SUV39H1: variants seen among roughly 807,000 people sequenced by gnomAD.
SUV39H1 encodes SUV39H1 histone lysine methyltransferase.
For synonymous variants in SUV39H1, 141 were observed against 150.5 expected (o/e 0.94, Z 0.46); for missense variants, 180 against 386.3 (o/e 0.47, Z 4.48).
intron 3 of SUV39H1, among the ~76,000 whole-genome samples, chrX:48,701,193 C>T (rs781787155): frequency 1.8e-5 from 2 of 111,854 alleles, no homozygotes; most frequent in Non-Finnish European, 3.8e-5. Flanking sequence ...ACAGAAGGAA[C>T]GCAGTCTGGA....
At chrX:48,696,725 C>T (rs1557008638), upstream of SUV39H1, 9 of 1,121,757 alleles carry the variant, frequency 8.0e-6, no homozygotes, top group Admixed American at 2.4e-4. Context: ...CGGCCACGCC[C>T]GCGCGAGCGC....
intron 5 of SUV39H1, 76 bp from the exon 6 acceptor site, chrX:48,707,361 A>C: frequency 2.0e-6 from 2 of 1,014,043 alleles, no homozygotes; most frequent in Non-Finnish European, 2.7e-6. Context: ...CTCCTTCCCT[A>C]CCTTCCTCCC....
At position 48,707,673 on chromosome X, in the gene SUV39H1, C is replaced by A; in HGVS notation, c.*103C>A. Reference sequence around the variant, plus strand: ...AGAATGACTGCCAGGGCCTCGCCTGCCTCCACCTGCCCCCACCTGCTCCTA... The same window carrying A: ...AGAATGACTGCCAGGGCCTCGCCTGACTCCACCTGCCCCCACCTGCTCCTA... On this transcript the variant is annotated 3_prime_UTR_variant, in exon 6 of 6. Transcript: ENST00000376687. 9.7e-7 allele frequency: 1 copy of A among 1,026,738 alleles called. No individual in the cohort carries two copies. Among genetic ancestry groups the A allele is most frequent in the Admixed American group, 2.2e-5 (1 of 44,701 alleles). 84.6% of individuals were successfully genotyped at this position (1,026,738 alleles called of 1,213,427 possible). A position where few individuals can be genotyped will look rare whatever the true frequency, so the allele number is the denominator to read the frequency against.
At position 48,700,379 on chromosome X, in the gene SUV39H1, G is replaced by A; in HGVS notation, c.454G>A (p.Asp152Asn). Residue 152 changes from aspartate to asparagine, a missense_variant, in exon 3 of 6, where the codon GAC (aspartate) becomes AAC (asparagine). Transcript: ENST00000376687. ...ACGCATCACTGTAGAGAATGAGGTGGACCTGGACGGCCCTCCGCGGGCCTT... is the reference window on the plus strand; with the variant it reads ...ACGCATCACTGTAGAGAATGAGGTGAACCTGGACGGCCCTCCGCGGGCCTT... ...LGRITVENEV[D>N]LDGPPRAFVY... 2 of 1,212,131 alleles carry A rather than the reference G, an allele frequency of 1.6e-6. No individual in the cohort carries two copies. The highest frequency in any genetic ancestry group is 2.2e-6 in the Non-Finnish European group (2 of 895,576).
chrX:48,707,882 C>T lies in SUV39H1; in HGVS notation c.*312C>T. The T allele has an allele frequency of 2.9e-6, 1 of 341,674 alleles. No individual in the cohort carries two copies. Among genetic ancestry groups the T allele is most frequent in the Non-Finnish European group, 5.5e-6 (1 of 182,306 alleles). The allele number at this position is 341,674 out of a possible 1,213,427, so 28.2% of individuals were successfully genotyped here. A position where few individuals can be genotyped will look rare whatever the true frequency, so the allele number is the denominator to read the frequency against. On this transcript the variant is annotated 3_prime_UTR_variant, in exon 6 of 6. Coordinates refer to ENST00000376687, the MANE Select transcript of SUV39H1 (RefSeq NM_003173.4). ...TATTAAGGAGGTCCAAGGGGTGAGT[C>T]CCAACCCAGCCCCAGAATATATTTG...
At position 48,706,646 on chromosome X, in the gene SUV39H1, T is replaced by TG. The variant is rs1399541027; in HGVS notation, c.1105+24dup. 2 of 1,189,747 alleles carry TG rather than the reference T, an allele frequency of 1.7e-6. No homozygotes were observed. The highest frequency in any genetic ancestry group is 2.3e-6 in the Non-Finnish European group (2 of 882,707). ...ATGCAAGGTGGGGGTGGCAAGGGAC[T>TG]GGGGGCAGGGGCGCACTGTGACTTG... On this transcript the variant is annotated intron_variant, in intron 5 of 5. Transcript: ENST00000376687.
intron 1 of SUV39H1, among the ~76,000 whole-genome samples, chrX:48,698,381 A>C (rs2062463292): frequency 1.8e-5 from 2 of 111,509 alleles, no homozygotes; most frequent in African/African-American, 6.5e-5. Context: ...AAATCCAAAA[A>C]ATTTTGAATT....
At position 48,707,474 on chromosome X, in the gene SUV39H1, C is replaced by T; in HGVS notation, c.1143C>T (p.Ser381=). 1 of 1,211,279 alleles carries T rather than the reference C, an allele frequency of 8.3e-7. No homozygotes were observed. The highest frequency in any genetic ancestry group is 1.1e-6 in the Non-Finnish European group (1 of 895,297). ...ACATGGAGAGCACCCGCATGGACTC[C>T]AACTTTGGCCTGGCTGGGCTCCCTG... The part of the protein sequence containing the change: ...PVDMESTRMD[S]NFGLAGLPGS... The change falls in exon 6 of 6, where the codon TCC becomes TCT. Residue 381 remains serine, a synonymous_variant. Coordinates refer to ENST00000376687, the MANE Select transcript of SUV39H1 (RefSeq NM_003173.4).
At chrX:48,695,757 T>C, upstream of SUV39H1, 1 of 1,154,662 alleles carries the variant, frequency 8.7e-7, no homozygotes, top group South Asian at 1.9e-5. Flanking sequence ...CTGTACGTGG[T>C]TACGGACTGT....
In SUV39H1 at chrX:48,706,306, C is replaced by T. The variant is rs138513845; in HGVS notation, c.870C>T (p.Tyr290=). ...AGGCAGAGCGGCGGGGCCAGATCTA[C>T]GACCGTCAGGGCGCCACCTACCTCT... ...SEEAERRGQI[Y]DRQGATYLFD... is the part of the protein sequence containing the mutation. The change falls in exon 4 of 6, where the codon TAC becomes TAT. Residue 290 remains tyrosine (Y), a synonymous_variant. Transcript: ENST00000376687. The T allele has an allele frequency of 3.2e-5, 39 of 1,210,420 alleles. No homozygotes were observed. Among genetic ancestry groups the T allele is most frequent in the Non-Finnish European group, 4.4e-5 (39 of 895,100 alleles).
upstream of SUV39H1, chrX:48,695,605 G>T: frequency 1.8e-6 from 2 of 1,086,348 alleles, no homozygotes; most frequent in Non-Finnish European, 2.4e-6. Context: ...GCCTGGCTGG[G>T]TGCTCTGACT....
upstream of SUV39H1, among the ~76,000 whole-genome samples, chrX:48,696,207 G>A (rs1168080403): frequency 8.9e-6 from 1 of 112,440 alleles, no homozygotes; most frequent in African/African-American, 3.2e-5. Context: ...GAATGATAAG[G>A]CAGGCTGGCT....
At position 48,707,596 on chromosome X, in the gene SUV39H1, A is replaced by G; in HGVS notation, c.*26A>G. 2 of 1,207,859 alleles carry G rather than the reference A, an allele frequency of 1.7e-6. No individual in the cohort carries two copies. Among genetic ancestry groups the G allele is most frequent in the Non-Finnish European group, 2.2e-6 (2 of 892,482 alleles). The stretch of plus-strand genomic sequence containing the variant: ...CCCTTAGAAGTCTGAGGCCAGACTG[A>G]CTGAGGGGGCCTGAAGCTACATGCA... On this transcript the variant is annotated 3_prime_UTR_variant, in exon 6 of 6. Coordinates refer to ENST00000376687, the MANE Select transcript of SUV39H1 (RefSeq NM_003173.4).
chrX:48,707,714 G>C lies in SUV39H1; in HGVS notation c.*144G>C. Reference sequence around the variant, plus strand: ...CCTGCTCCTACCTGCTCTACGTTCAGGGCTGTGGCCGTGGTGAGGACCGAC... The same window carrying C: ...CCTGCTCCTACCTGCTCTACGTTCACGGCTGTGGCCGTGGTGAGGACCGAC... On this transcript the variant is annotated 3_prime_UTR_variant, in exon 6 of 6. Transcript: ENST00000376687. 1.3e-6 allele frequency: 1 copy of C among 786,225 alleles called. No homozygotes were observed. Among genetic ancestry groups the C allele is most frequent in the Non-Finnish European group, 1.9e-6 (1 of 532,097 alleles). 64.8% of individuals were successfully genotyped at this position (786,225 alleles called of 1,213,427 possible).
chrX:48,699,984 G>T, intron 2 of SUV39H1, 107 bp from the exon 3 acceptor site: 1 of 633,113 alleles, frequency 1.6e-6, no homozygotes, highest in Non-Finnish European at 2.4e-6. Context: ...AAAAGGGGTG[G>T]GGTGGGGTAG....
chrX:48,699,696 C>G (rs1214386775), intron 2 of SUV39H1, among the ~76,000 whole-genome samples: 1 of 111,643 alleles, frequency 9.0e-6, no homozygotes, highest in East Asian at 2.8e-4. Flanking sequence ...TGGTTTGTCA[C>G]TGGACGTATT....
At chrX:48,699,637 G>C (rs1557009119) in intron 2 of SUV39H1, among the ~76,000 whole-genome samples, 1 of 112,213 alleles carries the variant, frequency 8.9e-6, no homozygotes, top group African/African-American at 3.2e-5. Context: ...GCCTAGAACA[G>C]GCAAGGACTT....
At chrX:48,695,972 T>G, upstream of SUV39H1, 1 of 1,066,540 alleles carries the variant, frequency 9.4e-7, no homozygotes, top group Non-Finnish European at 1.3e-6. Flanking sequence ...AGAAGTAATC[T>G]GAGGGAAAGA....
intron 1 of SUV39H1, 45 bp from the exon 2 acceptor site, chrX:48,698,857 A>T: frequency 8.4e-7 from 1 of 1,189,113 alleles, no homozygotes; most frequent in Non-Finnish European, 1.1e-6. Flanking sequence ...CTCCTGGCCT[A>T]GTCAGGCTGC....
Sources: gnomAD v4.1 joint callset for allele counts (sites outside exome capture counted in the v4.1 genomes callset) on GRCh38, gnomAD v4.1.1 for gene constraint, MANE v1.5 for transcripts, NCBI Gene and HGNC (gene_info 2026-07-23, HGNC 2026-07-21) for gene names.